CHSY1: variants seen among roughly 807,000 people sequenced by gnomAD.
CHSY1 encodes the protein N-acetylgalactosaminyl-proteoglycan 3-beta-glucuronosyltransferase 1.
A neutral mutation model predicts 59.8 loss-of-function variants in CHSY1; 13 were observed. The observed-to-expected ratio is 0.22, with a 90% CI of 0.14 to 0.35. The LOEUF (loss-of-function observed/expected upper bound fraction) is 0.35. Among genes scored for constraint, CHSY1 ranks in the 10% least tolerant of loss-of-function variants. The pLI, the probability that CHSY1 is intolerant of heterozygous loss-of-function variation, is 1.00. For missense variants in CHSY1, 947 were observed against 1,030.6 expected (o/e 0.92, Z 1.11); for synonymous variants, 459 against 401.2 (o/e 1.14, Z -1.72).
At chr15:101,194,069 C>A (rs1486531832) in intron 2 of CHSY1, among the ~76,000 whole-genome samples, 1 of 152,252 alleles carries the variant, frequency 6.6e-6, no homozygotes, top group African/African-American at 2.4e-5. Flanking sequence ...AGGCCACCAG[C>A]ATCTTTTAAA....
intron 2 of CHSY1, among the ~76,000 whole-genome samples, chr15:101,209,605 A>C (rs536756750): frequency 2.6e-5 from 4 of 152,230 alleles, no homozygotes; most frequent in Non-Finnish European, 5.9e-5. Context: ...CAAAAATAAC[A>C]AATAGCAGGA....
chr15:101,226,022 T>C (rs959354083), intron 2 of CHSY1, among the ~76,000 whole-genome samples: 17 of 152,220 alleles, frequency 1.1e-4, no homozygotes, highest in African/African-American at 3.4e-4. Flanking sequence ...TGGAGAAGGT[T>C]TGTTTTGCCA....
chr15:101,249,363 G>A (rs1306801714), intron 1 of CHSY1, among the ~76,000 whole-genome samples: 3 of 142,690 alleles, frequency 2.1e-5, no homozygotes, highest in African/African-American at 5.5e-5. Flanking sequence ...CTCGATTTCC[G>A]ATACGGCTGT....
rs1391465358 is a variant in CHSY1, at chr15:101,186,012, T to C, written c.817-7032A>G. On this transcript the variant is annotated intron_variant, in intron 2 of 2. Transcript: ENST00000254190. ...CATTTAATTACTGAGCTCCAGGCAA[T>C]TTCCTGCATTCAACAGGAAATTGTT... Among the ~76,000 whole-genome samples, 4 of 151,808 alleles carry C rather than the reference T, an allele frequency of 2.6e-5. No individual in the cohort carries two copies. In the East Asian group the frequency reaches 7.7e-4, roughly 29 times the overall value.
chr15:101,204,471 TGTACACTTATAGAGAA>T (rs2038605189), intron 2 of CHSY1, among the ~76,000 whole-genome samples: 1 of 146,496 alleles, frequency 6.8e-6, no homozygotes. Context: ...ATAATAATAA[TGTACACTTATAGAGAA>T]AATGATAAAG....
rs926857341 is a variant in CHSY1 at position 101,251,698 on chromosome 15, C to T, written c.-242G>A. 6.8e-6 allele frequency: 1 copy of T among 148,078 alleles called. No homozygotes were observed. The highest frequency in any genetic ancestry group is 2.4e-5 in the African/African-American group (1 of 41,012). The allele number at this position is 148,078 out of a possible 1,614,324, so 9.2% of individuals were successfully genotyped here. A position where few individuals can be genotyped will look rare whatever the true frequency, so the allele number is the denominator to read the frequency against. ...CCTGCGCCTTTAAGAGGGGACCATG[C>T]CCGGCGCGCGCTAGCGGCGGCTCGG... On this transcript the variant is annotated 5_prime_UTR_variant, in exon 1 of 3. Coordinates refer to ENST00000254190, the MANE Select transcript of CHSY1 (RefSeq NM_014918.5).
At chr15:101,205,947 G>A (rs920686994) in intron 2 of CHSY1, among the ~76,000 whole-genome samples, 9 of 150,056 alleles carry the variant, frequency 6.0e-5, no homozygotes, top group African/African-American at 1.5e-4. Context: ...GAGAGACTCC[G>A]TCTCAAAAAA....
chr15:101,251,959 G>C lies in CHSY1; in HGVS notation c.-503C>G, dbSNP rs1049381954. ...TTGCAACAGGAGCCCCTCACGTCAC[G>C]CACGGCGCGTTATGAAGTGGCCCCG... On this transcript the variant is annotated 5_prime_UTR_variant, in exon 1 of 3. Coordinates refer to ENST00000254190, the MANE Select transcript of CHSY1 (RefSeq NM_014918.5). 6.6e-6 allele frequency: 1 copy of C among 151,208 alleles called. No individual in the cohort carries two copies. Among genetic ancestry groups the C allele is most frequent in the Non-Finnish European group, 1.5e-5 (1 of 67,802 alleles). The allele number at this position is 151,208 out of a possible 1,614,324, so 9.4% of individuals were successfully genotyped here.
In CHSY1 at chr15:101,177,356, A is replaced by C; in HGVS notation, c.*32T>G. 5 of 1,590,422 alleles carry C rather than the reference A, an allele frequency of 3.1e-6. No homozygotes were observed. The highest frequency in any genetic ancestry group is 4.3e-6 in the Non-Finnish European group (5 of 1,172,566). On this transcript the variant is annotated 3_prime_UTR_variant, in exon 3 of 3. Coordinates refer to ENST00000254190, the MANE Select transcript of CHSY1 (RefSeq NM_014918.5). ...AAATTTTTGAAAAATAAATTAGATA[A>C]TTAAAAACGTCTTTTCCAGCAAAGC...
rs556697562 is a variant in CHSY1, at chr15:101,204,738, T to C, written c.817-25758A>G. Among the ~76,000 whole-genome samples the C allele has an allele frequency of 4.0e-5, 6 of 151,556 alleles. No homozygotes were observed. The East Asian group carries it at 1.2e-3, about 30-fold the overall frequency. ...GACTGACATAATGAAACCCCATTTC[T>C]ACTAAAACTACAAAAAATTAGCTGG... On this transcript the variant is annotated intron_variant, in intron 2 of 2. Coordinates refer to ENST00000254190, the MANE Select transcript of CHSY1 (RefSeq NM_014918.5).
chr15:101,199,481 C>T (rs141770538), intron 2 of CHSY1, among the ~76,000 whole-genome samples: 1 of 152,100 alleles, frequency 6.6e-6, no homozygotes, highest in Admixed American at 6.5e-5. Context: ...CCAGCCTGGG[C>T]GGCAGGGTGA....
chr15:101,232,153 C>G (rs963048185), intron 2 of CHSY1, among the ~76,000 whole-genome samples: 1 of 152,108 alleles, frequency 6.6e-6, no homozygotes. Context: ...TATTTCTACT[C>G]GCCAAAAAAA....
In CHSY1 at chr15:101,178,563, C is replaced by A. The variant is rs755792990; in HGVS notation, c.1234G>T (p.Val412Phe). 1 of 1,614,210 alleles carries A rather than the reference C, an allele frequency of 6.2e-7. No individual in the cohort carries two copies. The highest frequency in any genetic ancestry group is 8.5e-7 in the Non-Finnish European group (1 of 1,180,042). ...REALDDIVMQVMEMINANAKT... is the reference protein window; with the variant it reads ...REALDDIVMQFMEMINANAKT... ...GCGTTGGCATTGATCATCTCCATGA[C>A]CTGCATGACAATGTCGTCCAAGGCT... The change falls in exon 3 of 3, where the codon GTC becomes TTC. Residue 412 changes from valine (V) to phenylalanine (F), a missense_variant. Transcript: ENST00000254190.
chr15:101,238,968 G>A (rs980326748), intron 1 of CHSY1, among the ~76,000 whole-genome samples: 1 of 151,656 alleles, frequency 6.6e-6, no homozygotes, highest in Non-Finnish European at 1.5e-5. Flanking sequence ...AAGCTATACA[G>A]AGTCTTCTGA....
intron 2 of CHSY1, among the ~76,000 whole-genome samples, chr15:101,229,735 C>T (rs1246340112): frequency 1.3e-5 from 2 of 151,916 alleles, no homozygotes; most frequent in East Asian, 2.0e-4. Flanking sequence ...GGTGAAACCC[C>T]ATCCCTAATA....
At chr15:101,202,444 G>C (rs1419905453) in intron 2 of CHSY1, among the ~76,000 whole-genome samples, 1 of 75,948 alleles carries the variant, frequency 1.3e-5, no homozygotes, top group Non-Finnish European at 2.3e-5. Context: ...CACAGCAGAG[G>C]CTGCAGGGAA....
chr15:101,212,850 C>G (rs2038695605), intron 2 of CHSY1, among the ~76,000 whole-genome samples: 1 of 152,088 alleles, frequency 6.6e-6, no homozygotes, highest in Non-Finnish European at 1.5e-5. Flanking sequence ...CCAATTAACT[C>G]TGAAATGCAT....
intron 2 of CHSY1, among the ~76,000 whole-genome samples, chr15:101,205,438 G>C (rs999265358): frequency 1.3e-5 from 2 of 152,116 alleles, no homozygotes; most frequent in African/African-American, 4.8e-5. Context: ...GTAATCAATT[G>C]ACATAGACTC....
chr15:101,233,960 A>G (rs188660452), intron 2 of CHSY1, among the ~76,000 whole-genome samples: 9 of 152,366 alleles, frequency 5.9e-5, no homozygotes, highest in Admixed American at 1.3e-4. Context: ...CAAAAGATCT[A>G]GCAATTACCT....
Sources: allele counts gnomAD v4.1 joint callset (sites outside exome capture counted in the v4.1 genomes callset), GRCh38; gene constraint gnomAD v4.1.1; transcripts MANE v1.5; gene names NCBI Gene and HGNC (gene_info 2026-07-23, HGNC 2026-07-21).